Variants in PTPRQ observed in about 807,000 individuals in gnomAD.
PTPRQ encodes the protein phosphatidylinositol phosphatase PTPRQ.
A neutral mutation model predicts 246.0 loss-of-function variants in PTPRQ; 199 were observed. The ratio of observed to expected loss-of-function variants is 0.81; its 90% CI spans 0.72 to 0.91. The LOEUF is 0.91. PTPRQ is among the 40% of genes least tolerant of loss of function. PTPRQ has a pLI of 0.00. For synonymous variants in PTPRQ, 869 were observed against 853.2 expected, an observed-to-expected ratio of 1.02 and a Z score of -0.32; for missense variants, 2,624 against 2,528.4, an observed-to-expected ratio of 1.04 and a Z score of -0.81.
chr12:80,651,505 G>A (rs2121229351), intron 37 of PTPRQ, among the ~76,000 whole-genome samples: 1 of 152,184 alleles, frequency 6.6e-6, no homozygotes, highest in African/African-American at 2.4e-5. Flanking sequence ...TAACTCATCT[G>A]TGGTCCCACT....
intron 34 of PTPRQ, among the ~76,000 whole-genome samples, chr12:80,633,918 C>T (rs1899540150): frequency 6.6e-6 from 1 of 152,126 alleles, no homozygotes; most frequent in Non-Finnish European, 1.5e-5. Context: ...CCACAACTTG[C>T]CTACTCACTA....
chr12:80,518,006 G>A (rs1895357539), intron 17 of PTPRQ, among the ~76,000 whole-genome samples: 1 of 152,100 alleles, frequency 6.6e-6, no homozygotes, highest in African/African-American at 2.4e-5. Flanking sequence ...CCCAGCAGTA[G>A]GATTGCTAGA....
chr12:80,619,879 T>C (rs546515208), intron 31 of PTPRQ, among the ~76,000 whole-genome samples: 81 of 151,700 alleles, frequency 5.3e-4, no homozygotes, highest in African/African-American at 2.0e-3. Context: ...GGAATCTTGA[T>C]AGCTTCTTTG....
intron 38 of PTPRQ, among the ~76,000 whole-genome samples, chr12:80,653,969 ACT>A (rs1458644349): frequency 2.2e-5 from 3 of 137,152 alleles, no homozygotes; most frequent in African/African-American, 1.0e-4. Context: ...AGATAACAAG[ACT>A]CAGTCAGAGG....
At chr12:80,472,289 G>A (rs897467505) in intron 8 of PTPRQ, 38 bp downstream of exon 8, 5 of 1,541,706 alleles carry the variant, frequency 3.2e-6, no homozygotes, top group Non-Finnish European at 3.5e-6. Context: ...TTTTTGGTAT[G>A]CTTATGAACT....
At chr12:80,489,608 C>T (rs1894382539) in intron 9 of PTPRQ, among the ~76,000 whole-genome samples, 1 of 151,876 alleles carries the variant, frequency 6.6e-6, no homozygotes, top group African/African-American at 2.4e-5. Context: ...TCCAGTTTGT[C>T]AAGGATCCTC....
chr12:80,461,294 T>C (rs1283741693), intron 6 of PTPRQ, among the ~76,000 whole-genome samples: 1 of 152,194 alleles, frequency 6.6e-6, no homozygotes, highest in Non-Finnish European at 1.5e-5. Flanking sequence ...GAGCATGTGA[T>C]CAACATTTAG....
In PTPRQ at chr12:80,534,187, AT is replaced by A; in HGVS notation, c.2839+13del. The A allele has an allele frequency of 6.8e-7, 1 of 1,469,102 alleles. No homozygotes were observed. Among genetic ancestry groups the A allele is most frequent in the African/African-American group, 1.4e-5 (1 of 69,132 alleles). The allele number at this position is 1,469,102 out of a possible 1,614,324, so 91.0% of individuals were successfully genotyped here. A position where few individuals can be genotyped will look rare whatever the true frequency, so the allele number is the denominator to read the frequency against. On this transcript the variant is annotated intron_variant, in intron 18 of 44. Transcript: ENST00000644991. ...AACACCAGAGGGAGGTGAGTTAAGG[AT>A]GTATGCCAATTAAAAGAATGTTCTT...
chr12:80,621,004 A>G (rs1898963956), intron 32 of PTPRQ, among the ~76,000 whole-genome samples: 1 of 151,910 alleles, frequency 6.6e-6, no homozygotes, highest in Non-Finnish European at 1.5e-5. Flanking sequence ...GTAAGACTAC[A>G]ATTTTTAAAA....
At chr12:80,620,013 C>A (rs1243203016) in intron 31 of PTPRQ, 141 bp from the exon 32 acceptor site, 81 of 1,077,544 alleles carry the variant, frequency 7.5e-5, no homozygotes, top group Non-Finnish European at 9.6e-5. Flanking sequence ...CCTGCCTATA[C>A]AGGTGGATCA....
chr12:80,629,252 T>A (rs1899328546), intron 33 of PTPRQ, among the ~76,000 whole-genome samples: 1 of 151,992 alleles, frequency 6.6e-6, no homozygotes, highest in South Asian at 2.1e-4. Context: ...TCCCATCAGA[T>A]CGGGGCCTCA....
intron 25 of PTPRQ, among the ~76,000 whole-genome samples, chr12:80,552,125 G>A (rs543303836): frequency 2.0e-5 from 3 of 152,146 alleles, no homozygotes; most frequent in Admixed American, 2.0e-4. Context: ...AGGTAATTCC[G>A]ATATTCTGTA....
chr12:80,661,258 T>C (rs1466122342), intron 39 of PTPRQ, among the ~76,000 whole-genome samples: 1 of 149,394 alleles, frequency 6.7e-6, no homozygotes, highest in East Asian at 1.9e-4. Flanking sequence ...CATAAATATA[T>C]TTGTATATGT....
Position 80,588,422 on chromosome 12 carries a change from A to C in PTPRQ, c.4579A>C (p.Asn1527His), listed in dbSNP as rs1897688758. 1.3e-6 allele frequency: 2 copies of C among 1,494,978 alleles called. No individual in the cohort carries two copies. Among genetic ancestry groups the C allele is most frequent in the South Asian group, 1.4e-5 (1 of 73,376 alleles). 92.6% of individuals were successfully genotyped at this position (1,494,978 alleles called of 1,614,324 possible). ...STNAGYGNAS[N>H]WISTKTLPGP... ...CAATGCTGGCTATGGCAATGCTTCA[A>C]ACTGGATTTCTACAAAAACTCTGCC... Residue 1527 changes from asparagine to histidine, a missense_variant, in exon 26 of 45, where the codon AAC (asparagine) becomes CAC (histidine). Physicochemically the swap from Asn to His is moderately conservative, Grantham distance 68. Transcript: ENST00000644991.
At chr12:80,468,603 G>A (rs1006780044) in intron 6 of PTPRQ, 107 bp from the exon 7 acceptor site, 14 of 1,163,308 alleles carry the variant, frequency 1.2e-5, no homozygotes, top group Admixed American at 3.8e-5. Context: ...TTTTAAGCGC[G>A]ATATTTTATT....
chr12:80,669,303 A>G (rs918549895), intron 40 of PTPRQ, 36 bp from the exon 41 acceptor site: 9 of 1,544,430 alleles, frequency 5.8e-6, no homozygotes, highest in South Asian at 1.2e-5. Flanking sequence ...CAATATAACA[A>G]TGACGCTTAT....
intron 25 of PTPRQ, among the ~76,000 whole-genome samples, chr12:80,552,646 TATATATATA>T (rs1463776829): frequency 6.4e-3 from 4 of 622 alleles, no homozygotes; most frequent in Non-Finnish European, 0.016. Flanking sequence ...AAAAAAAAAT[TATATATATA>T]TATATATATA....
chr12:80,613,474 A>G, intron 28 of PTPRQ, 118 bp from the exon 29 acceptor site: 1 of 1,077,226 alleles, frequency 9.3e-7, no homozygotes, highest in Non-Finnish European at 1.3e-6. Context: ...TTTGCAGTTT[A>G]TATGGTTTAA....
chr12:80,566,627 C>G (rs1019604956), intron 25 of PTPRQ, among the ~76,000 whole-genome samples: 5 of 152,076 alleles, frequency 3.3e-5, no homozygotes, highest in Admixed American at 3.3e-4. Flanking sequence ...GCAGCTTTAA[C>G]CTTTTGGGCT....
Sources: gnomAD v4.1 joint callset for allele counts (sites outside exome capture counted in the v4.1 genomes callset) on GRCh38, gnomAD v4.1.1 for gene constraint, MANE v1.5 for transcripts, NCBI Gene and HGNC (gene_info 2026-07-23, HGNC 2026-07-21) for gene names.